The following KCNU1 variants were observed in gnomAD, a reference collection of about 807,000 sequenced individuals.
KCNU1 encodes the protein potassium calcium-activated channel subfamily U member 1.
A neutral mutation model predicts 126.8 loss-of-function variants in KCNU1; 93 were observed. The ratio of observed to expected loss-of-function variants is 0.73; its 90% CI spans 0.62 to 0.87. KCNU1 has a LOEUF of 0.87. KCNU1 is among the 40% of genes least tolerant of loss of function. The pLI, the probability that KCNU1 is intolerant of heterozygous loss-of-function variation, is 0.00. For missense variants in KCNU1, 1,330 were observed against 1,367.1 expected (o/e 0.97, Z 0.43); for synonymous variants, 523 against 494.2 (o/e 1.06, Z -0.77).
At position 36,805,180 on chromosome 8, in the gene KCNU1, T is replaced by G. The variant is rs370829695; in HGVS notation, c.378-15T>G. 2.1e-5 allele frequency: 33 copies of G among 1,587,244 alleles called. 1 individual carries two copies. In the African/African-American group the frequency reaches 3.9e-4, roughly 19 times the overall value. Reference sequence around the variant, plus strand: ...AAATGTTGATCTTCACAAACTGTCCTTCTTTCTTTTCCAGCCCTGTTGGAA... The same window carrying G: ...AAATGTTGATCTTCACAAACTGTCCGTCTTTCTTTTCCAGCCCTGTTGGAA... On this transcript the variant is annotated splice_polypyrimidine_tract_variant and intron_variant, in intron 3 of 26. Coordinates refer to ENST00000399881, the MANE Select transcript of KCNU1 (RefSeq NM_001031836.3).
intron 18 of KCNU1, among the ~76,000 whole-genome samples, chr8:36,854,212 A>T (rs534552715): frequency 6.6e-6 from 1 of 152,184 alleles, no homozygotes; most frequent in South Asian, 2.1e-4. Flanking sequence ...CTTTAAATTT[A>T]TCCTACTAGG....
intron 18 of KCNU1, among the ~76,000 whole-genome samples, chr8:36,849,846 G>A (rs1393903859): frequency 6.6e-6 from 1 of 152,070 alleles, no homozygotes; most frequent in Admixed American, 6.6e-5. Context: ...ACACCCAGAA[G>A]TAGAATTGCT....
chr8:36,929,601 G>T (rs1808638495), intron 24 of KCNU1, among the ~76,000 whole-genome samples: 2 of 152,072 alleles, frequency 1.3e-5, no homozygotes, highest in South Asian at 4.1e-4. Flanking sequence ...ATTTCATTCT[G>T]CTTAGAAGAC....
At chr8:36,908,059 A>G (rs910950891) in intron 20 of KCNU1, among the ~76,000 whole-genome samples, 2 of 152,186 alleles carry the variant, frequency 1.3e-5, no homozygotes, top group Non-Finnish European at 2.9e-5. Context: ...ATAGCTAACA[A>G]TAGTACCAGA....
Position 36,935,952 on chromosome 8 carries a change from T to C in KCNU1, c.*32T>C. The C allele has an allele frequency of 3.3e-6, 5 of 1,506,652 alleles. No individual in the cohort carries two copies. The highest frequency in any genetic ancestry group is 3.6e-6 in the Non-Finnish European group (4 of 1,124,840). 93.3% of individuals were successfully genotyped at this position (1,506,652 alleles called of 1,614,324 possible). ...CCATATTCTTCACGTGCTCTTAACTTGCTGCTTACAAATCATCTCCTGAGA... is the reference window on the plus strand; with the variant it reads ...CCATATTCTTCACGTGCTCTTAACTCGCTGCTTACAAATCATCTCCTGAGA... On this transcript the variant is annotated 3_prime_UTR_variant, in exon 27 of 27. Transcript: ENST00000399881.
chr8:36,911,107 C>A lies in KCNU1; in HGVS notation c.2509C>A (p.Pro837Thr), dbSNP rs2117533812. 6.2e-7 allele frequency: 1 copy of A among 1,612,500 alleles called. No individual in the cohort carries two copies. The highest frequency in any genetic ancestry group is 8.5e-7 in the Non-Finnish European group (1 of 1,178,880). ...LQIDSSSDPS[P>T]SVSEETPGYT... is the part of the protein sequence containing the mutation. Reference sequence around the variant, plus strand: ...AATTGACTCCTCCTCTGACCCGTCACCCTCAGTGTCAGGTGAGAACAGCAC... The same window carrying A: ...AATTGACTCCTCCTCTGACCCGTCAACCTCAGTGTCAGGTGAGAACAGCAC... Residue 837 changes from proline (P) to threonine (T), a missense_variant, in exon 22 of 27, where the codon CCC becomes ACC. Around this residue, in one of 3 missense-constraint regions of KCNU1, gnomAD observed 1,054 missense variants for 1,053.9 expected, o/e 1.00. Transcript: ENST00000399881.
intron 20 of KCNU1, among the ~76,000 whole-genome samples, chr8:36,906,596 A>G (rs958065300): frequency 6.6e-6 from 1 of 152,140 alleles, no homozygotes; most frequent in South Asian, 2.1e-4. Context: ...AACCCTATAT[A>G]TATTTTTTCA....
At chr8:36,922,666 G>A in intron 24 of KCNU1, 37 bp downstream of exon 24, 1 of 1,600,034 alleles carries the variant, frequency 6.2e-7, no homozygotes, top group Non-Finnish European at 8.5e-7. Flanking sequence ...CCAAAACCAA[G>A]CCCTCTGCAG....
chr8:36,797,931 T>G (rs1258331418), intron 2 of KCNU1, among the ~76,000 whole-genome samples: 1 of 152,152 alleles, frequency 6.6e-6, no homozygotes, highest in East Asian at 1.9e-4. Context: ...TCAGCAAGTG[T>G]GTCTCTTCTG....
chr8:36,812,217 T>C (rs1157426340), intron 7 of KCNU1, among the ~76,000 whole-genome samples: 3 of 150,132 alleles, frequency 2.0e-5, no homozygotes, highest in South Asian at 2.1e-4. Context: ...CTGTCTCTAC[T>C]AAAAATAGAA....
Position 36,824,528 on chromosome 8 carries a change from G to T in KCNU1, c.1106+6768G>T, listed in dbSNP as rs142507620. Reference sequence around the variant, plus strand: ...GGTTTGGTACTATCTGTGGTTTCAGGCATCCCCTGGGGGTCTTGGAATGTA... The same window carrying T: ...GGTTTGGTACTATCTGTGGTTTCAGTCATCCCCTGGGGGTCTTGGAATGTA... On this transcript the variant is annotated intron_variant, in intron 10 of 26. Coordinates refer to ENST00000399881, the MANE Select transcript of KCNU1 (RefSeq NM_001031836.3). 9.3e-3 allele frequency among the ~76,000 whole-genome samples: 1,422 copies of T among 152,202 alleles called. 17 individuals carry two copies. Among genetic ancestry groups the T allele is most frequent in the African/African-American group, 0.031 (1,276 of 41,540 alleles).
intron 19 of KCNU1, among the ~76,000 whole-genome samples, chr8:36,880,032 C>T (rs1806416312): frequency 6.6e-6 from 1 of 152,164 alleles, no homozygotes; most frequent in Non-Finnish European, 1.5e-5. Flanking sequence ...AGTGAATATA[C>T]AGAAGCTTGG....
In KCNU1 at chr8:36,843,739, T is replaced by G. The variant is rs187364678; in HGVS notation, c.1704-1841T>G. On this transcript the variant is annotated intron_variant, in intron 16 of 26. Transcript: ENST00000399881. ...AAAAAGCCTATCTTTTCTCACTTTT[T>G]AGCTCCTCTTCAAATTGGCAAGCTT... 8.5e-5 allele frequency among the ~76,000 whole-genome samples: 13 copies of G among 152,332 alleles called. No homozygotes were observed. In the East Asian group the frequency reaches 2.3e-3, roughly 27 times the overall value.
chr8:36,840,111 T>G (rs1405256691), intron 14 of KCNU1, among the ~76,000 whole-genome samples: 1 of 152,324 alleles, frequency 6.6e-6, no homozygotes, highest in East Asian at 1.9e-4. Flanking sequence ...CAGAGAGAGA[T>G]AATTTAGATT....
intron 16 of KCNU1, among the ~76,000 whole-genome samples, chr8:36,844,264 C>T (rs1020049394): frequency 2.6e-5 from 4 of 151,962 alleles, no homozygotes; most frequent in African/African-American, 9.7e-5. Context: ...CCTGCAATCC[C>T]AGCTACTCGG....
At chr8:36,826,838 A>G (rs547687196) in intron 10 of KCNU1, among the ~76,000 whole-genome samples, 3 of 152,210 alleles carry the variant, frequency 2.0e-5, no homozygotes, top group South Asian at 4.1e-4. Flanking sequence ...TAACCCCAGT[A>G]CCCATTAGTT....
chr8:36,787,315 A>G lies in KCNU1; in HGVS notation c.205A>G (p.Thr69Ala). The part of the protein sequence containing the change: ...KGTGIILELF[T>A]SGTIARSHVR... ...TTTCTCTTGATTGTAGGAACTGTTC[A>G]CATCAGGTACCATCGCTAGGAGCCA... The change falls in exon 2 of 27, where the codon ACA (threonine) becomes GCA (alanine). Residue 69 changes from threonine to alanine, a missense_variant. Physicochemically the swap from Thr to Ala is moderately conservative, Grantham distance 58 (BLOSUM62 0). Transcript: ENST00000399881. 2 of 1,609,766 alleles carry G rather than the reference A, an allele frequency of 1.2e-6. No individual in the cohort carries two copies. The highest frequency in any genetic ancestry group is 1.3e-5 in the African/African-American group (1 of 74,940).
At chr8:36,879,211 G>GTGTGTGTATA (rs541223094) in intron 19 of KCNU1, among the ~76,000 whole-genome samples, 1 of 101,754 alleles carries the variant, frequency 9.8e-6, no homozygotes, top group African/African-American at 3.5e-5. Context: ...GTGTGTGTGT[G>GTGTGTGTATA]TATATATATA....
chr8:36,935,137 A>G (rs966205718), intron 26 of KCNU1, among the ~76,000 whole-genome samples: 1 of 152,098 alleles, frequency 6.6e-6, no homozygotes, highest in Non-Finnish European at 1.5e-5. Context: ...TTTTAAAATC[A>G]AATAGACCTG....
Sources: allele counts gnomAD v4.1 joint callset (sites outside exome capture counted in the v4.1 genomes callset), GRCh38; gene constraint gnomAD v4.1.1; regional missense constraint gnomAD v4.1.1; transcripts MANE v1.5; gene names NCBI Gene and HGNC (gene_info 2026-07-23, HGNC 2026-07-21).